Variants in FHAD1 observed in about 807,000 individuals in gnomAD.
FHAD1 encodes forkhead-associated domain-containing protein 1.
FHAD1 carries 146 observed loss-of-function variants against 191.3 expected under a neutral mutation model. The ratio of observed to expected loss-of-function variants is 0.76; its 90% CI spans 0.67 to 0.88. The LOEUF (loss-of-function observed/expected upper bound fraction) is 0.88. Among genes scored for constraint, FHAD1 ranks in the 40% least tolerant of loss-of-function variants. The pLI is 0.00. For synonymous variants in FHAD1, 616 were observed against 672.3 expected, an observed-to-expected ratio of 0.92 and a Z score of 1.29; for missense variants, 1,635 against 1,785.8, an observed-to-expected ratio of 0.92 and a Z score of 1.52.
chr1:15,383,999 TGTG>T (rs1701530803), intron 31 of FHAD1: 2 of 164,396 alleles, frequency 1.2e-5, no homozygotes, highest in Admixed American at 6.3e-5. Flanking sequence ...TACATTCTCA[TGTG>T]TGTGTGTGTG....
chr1:15,293,682 C>A (rs933458128), intron 4 of FHAD1, among the ~76,000 whole-genome samples: 2 of 152,198 alleles, frequency 1.3e-5, no homozygotes, highest in African/African-American at 2.4e-5. Flanking sequence ...TGTGCCACTG[C>A]ACTCCAGCCT....
chr1:15,387,792 G>A (rs189013490), intron 31 of FHAD1, among the ~76,000 whole-genome samples: 1 of 152,314 alleles, frequency 6.6e-6, no homozygotes, highest in East Asian at 1.9e-4. Flanking sequence ...GGCTGAGGTG[G>A]GAGGACCGCT....
At chr1:15,248,051 CTT>C (rs34718796) in intron 1 of FHAD1, among the ~76,000 whole-genome samples, 4 of 143,476 alleles carry the variant, frequency 2.8e-5, no homozygotes, top group African/African-American at 7.6e-5. Context: ...AAGAAATAGA[CTT>C]TTTTTTTTTT....
intron 3 of FHAD1, among the ~76,000 whole-genome samples, chr1:15,278,046 T>TG (rs1316870005): frequency 6.6e-6 from 1 of 152,214 alleles, no homozygotes; most frequent in African/African-American, 2.4e-5. Context: ...TAACCAATTC[T>TG]GCTTAATTCT....
intron 29 of FHAD1, 47 bp downstream of exon 29, chr1:15,380,843 C>A: frequency 1.4e-6 from 2 of 1,430,042 alleles, no homozygotes; most frequent in Non-Finnish European, 1.9e-6. Context: ...AGCCTGGGGC[C>A]CCTGCAGTCA....
intron 1 of FHAD1, among the ~76,000 whole-genome samples, chr1:15,241,668 A>G (rs1645386170): frequency 1.9e-5 from 1 of 51,932 alleles, no homozygotes; most frequent in Non-Finnish European, 3.5e-5. Context: ...ACAACAAAAA[A>G]ACAAACAAAC....
intron 13 of FHAD1, chr1:15,328,708 C>G: frequency 6.7e-6 from 2 of 298,596 alleles, no homozygotes; most frequent in Non-Finnish European, 1.2e-5. Flanking sequence ...AAATTGTTTT[C>G]ATAGCCCCTA....
intron 22 of FHAD1, among the ~76,000 whole-genome samples, chr1:15,361,919 G>A (rs141003427): frequency 8.1e-4 from 123 of 151,926 alleles, no homozygotes; most frequent in African/African-American, 2.6e-3. Flanking sequence ...CAGGAGAATC[G>A]CTTGAACCCG....
intron 2 of FHAD1, among the ~76,000 whole-genome samples, chr1:15,267,140 T>C (rs1236032404): frequency 6.6e-6 from 1 of 152,222 alleles, no homozygotes; most frequent in Admixed American, 6.5e-5. Context: ...GATATACAGA[T>C]GGCAAATAAG....
intron 4 of FHAD1, among the ~76,000 whole-genome samples, chr1:15,295,091 A>T (rs887616111): frequency 3.9e-5 from 6 of 152,184 alleles, no homozygotes; most frequent in Non-Finnish European, 5.9e-5. Context: ...TGCATCATGA[A>T]GGTCAATATA....
At chr1:15,379,951 T>G (rs1700529331) in intron 28 of FHAD1, among the ~76,000 whole-genome samples, 1 of 152,168 alleles carries the variant, frequency 6.6e-6, no homozygotes, top group African/African-American at 2.4e-5. Flanking sequence ...ACAGTAACAA[T>G]CTGATCTCTC....
At chr1:15,300,777 G>A (rs961813131) in intron 5 of FHAD1, among the ~76,000 whole-genome samples, 4 of 152,136 alleles carry the variant, frequency 2.6e-5, no homozygotes, top group African/African-American at 9.7e-5. Context: ...GAGCCTCAAA[G>A]TCTGCCTTTT....
intron 28 of FHAD1, among the ~76,000 whole-genome samples, chr1:15,376,599 G>A (rs1699726476): frequency 6.6e-6 from 1 of 152,194 alleles, no homozygotes. Flanking sequence ...GTGACCTTGG[G>A]CAAGGCTCTT....
rs1447634304 is a variant in FHAD1, at chr1:15,365,886, TAAGG to T, written c.3110_3113del (p.Arg1037LysfsTer13). 2.2e-5 allele frequency: 34 copies of T among 1,551,692 alleles called. No individual in the cohort carries two copies. The highest frequency in any genetic ancestry group is 2.9e-5 in the Non-Finnish European group (33 of 1,146,966). On this transcript the variant is annotated frameshift_variant, in exon 24 of 34. Transcript: ENST00000688493. LOFTEE classifies it high-confidence loss of function. The stretch of plus-strand genomic sequence containing the variant: ...TCTCAGCAGGAAGTCATCATGAAGT[TAAGG>T]AAAGACCTTACCGAAGCCCACAGCA...
rs1022644938 is a variant in FHAD1 at position 15,352,860 on chromosome 1, CT to C, written c.2455-14del. On this transcript the variant is annotated splice_polypyrimidine_tract_variant and intron_variant, in intron 19 of 33. Coordinates refer to ENST00000688493, the MANE Select transcript of FHAD1 (RefSeq NM_001391957.1). ...TTTGAGGGCACAGGCCCTCAAACCACTTTCATTGACTTCCAGATCTCAGAGA... is the reference window on the plus strand; with the variant it reads ...TTTGAGGGCACAGGCCCTCAAACCACTTCATTGACTTCCAGATCTCAGAGA... 1.9e-6 allele frequency: 3 copies of C among 1,546,864 alleles called. No homozygotes were observed. Among genetic ancestry groups the C allele is most frequent in the Admixed American group, 3.9e-5 (2 of 50,924 alleles).
intron 23 of FHAD1, among the ~76,000 whole-genome samples, chr1:15,365,496 T>TA (rs1696133468): frequency 1.4e-5 from 2 of 147,988 alleles, no homozygotes; most frequent in Admixed American, 6.7e-5. Context: ...TTTTTTTTTT[T>TA]TTTTTGTAGA....
intron 3 of FHAD1, 29 bp downstream of exon 3, chr1:15,272,558 G>A (rs1191036845): frequency 3.3e-6 from 5 of 1,526,936 alleles, no homozygotes. Flanking sequence ...GGGATAGAGG[G>A]GCCATGTCGC....
chr1:15,391,233 G>C lies in FHAD1; in HGVS notation c.4293G>C (p.Val1431=). ...DRQRRVFVEM[V]KNRMQNSNSQ... ...AGAGACGAGTATTTGTAGAGATGGT[G>C]AAGAACAGGATGCAGAACTCAAATT... The change falls in exon 33 of 34, where the codon GTG becomes GTC. Residue 1431 remains valine, a synonymous_variant. Transcript: ENST00000688493. 7.8e-7 allele frequency: 1 copy of C among 1,288,760 alleles called. No individual in the cohort carries two copies. Among genetic ancestry groups the C allele is most frequent in the Non-Finnish European group, 1.0e-6 (1 of 988,126 alleles). 79.8% of individuals were successfully genotyped at this position (1,288,760 alleles called of 1,614,324 possible).
rs139487926 is a variant in FHAD1, at chr1:15,358,699, C to T, written c.2736+416C>T. On this transcript the variant is annotated intron_variant, in intron 21 of 33. Coordinates refer to ENST00000688493, the MANE Select transcript of FHAD1 (RefSeq NM_001391957.1). ...CAGGATTGAGTGATGAGTGACGATT[C>T]CACAGGCTTTAAGACAATGCATTAA... Among the ~76,000 whole-genome samples, 4 of 152,328 alleles carry T rather than the reference C, an allele frequency of 2.6e-5. No homozygotes were observed. In the East Asian group the frequency reaches 7.7e-4, roughly 29 times the overall value.
Sources: allele counts gnomAD v4.1 joint callset (sites outside exome capture counted in the v4.1 genomes callset), GRCh38; gene constraint gnomAD v4.1.1; transcripts MANE v1.5; gene names NCBI Gene and HGNC (gene_info 2026-07-23, HGNC 2026-07-21).